Variants in KCNC4 observed in about 807,000 individuals in gnomAD.
KCNC4 encodes potassium voltage-gated channel subfamily C member 4, also known as voltage-gated potassium channel KCNC4.
Under a neutral mutation model 42.8 loss-of-function variants are expected in KCNC4, and 23 were observed. The observed-to-expected ratio is 0.54, with a 90% CI of 0.39 to 0.76. The LOEUF (loss-of-function observed/expected upper bound fraction) is 0.76, where lower values mean the gene tolerates loss of function less well. KCNC4 is among the 30% of genes least tolerant of loss of function. KCNC4 has a pLI of 0.00. For missense variants in KCNC4, 751 were observed against 898.2 expected, an observed-to-expected ratio of 0.84 and a Z score of 2.10; for synonymous variants, 422 against 393.5, an observed-to-expected ratio of 1.07 and a Z score of -0.86.
chr1:110,278,536 A>G (rs1659764969), intron 1 of KCNC4, among the ~76,000 whole-genome samples: 1 of 152,218 alleles, frequency 6.6e-6, no homozygotes, highest in South Asian at 2.1e-4. Context: ...ACCCTGGAGT[A>G]GATGATTTCA....
At chr1:110,266,118 C>G (rs913787394) in intron 1 of KCNC4, among the ~76,000 whole-genome samples, 6 of 152,276 alleles carry the variant, frequency 3.9e-5, no homozygotes, top group African/African-American at 1.4e-4. Flanking sequence ...GTACAATTCA[C>G]CCAATTCCCC....
At chr1:110,272,593 TGAG>T (rs1172251356) in intron 1 of KCNC4, 9 of 152,156 alleles carry the variant, frequency 5.9e-5, no homozygotes, top group Non-Finnish European at 1.5e-5. Flanking sequence ...GCTGTTTTCT[TGAG>T]GAGACAGAAG....
intron 1 of KCNC4, among the ~76,000 whole-genome samples, chr1:110,258,504 G>A (rs1464165289): frequency 6.6e-6 from 1 of 152,054 alleles, no homozygotes; most frequent in Admixed American, 6.5e-5. Flanking sequence ...CCAAAGTGCT[G>A]GGATTACAGG....
intron 3 of KCNC4, 66 bp downstream of exon 3, chr1:110,226,244 A>G (rs1408236812): frequency 1.3e-5 from 19 of 1,415,450 alleles, no homozygotes; most frequent in Non-Finnish European, 1.9e-5. Context: ...GTCCCCCACC[A>G]AGAGCCTGAG....
intron 1 of KCNC4, among the ~76,000 whole-genome samples, chr1:110,260,125 G>A (rs1463478030): frequency 6.6e-6 from 1 of 152,192 alleles, no homozygotes; most frequent in Non-Finnish European, 1.5e-5. Flanking sequence ...CCTCTCAAGA[G>A]ACAATGTGGA....
chr1:110,250,161 C>G (rs1659225065), downstream of KCNC4, among the ~76,000 whole-genome samples: 2 of 152,198 alleles, frequency 1.3e-5, no homozygotes, highest in Non-Finnish European at 2.9e-5. Flanking sequence ...CGGGCTCCCC[C>G]ACCTCCCTCC....
chr1:110,261,200 AT>A (rs1659419258), intron 1 of KCNC4, among the ~76,000 whole-genome samples: 1 of 152,216 alleles, frequency 6.6e-6, no homozygotes, highest in African/African-American at 2.4e-5. Flanking sequence ...ATATGCGTGA[AT>A]CCTTTAGTGT....
chr1:110,263,025 C>T (rs1404013991), intron 1 of KCNC4, among the ~76,000 whole-genome samples: 1 of 152,338 alleles, frequency 6.6e-6, no homozygotes, highest in East Asian at 1.9e-4. Flanking sequence ...AGCATGACCT[C>T]TGGTGTCTGT....
At chr1:110,243,009 TCTA>T (rs1372218089) in exon 4 of KCNC4, 3 of 152,214 alleles carry the variant, frequency 2.0e-5, no homozygotes, top group Non-Finnish European at 4.4e-5. Flanking sequence ...ACTTAACCTT[TCTA>T]AGCATGGTCT....
intron 3 of KCNC4, chr1:110,226,415 C>G: frequency 1.8e-6 from 1 of 561,768 alleles, no homozygotes; most frequent in Non-Finnish European, 3.2e-6. Flanking sequence ...GAAAGAGCAG[C>G]GCTAGAGGGT....
exon 4 of KCNC4, chr1:110,246,766 CT>C (rs61165830): frequency 0.33 from 45,754 of 139,274 alleles, 7,483 homozygotes; most frequent in South Asian, 0.38. Context: ...TTTTTCTTTT[CT>C]TTTTTTTTTT....
At chr1:110,261,697 C>T (rs1304127409) in intron 1 of KCNC4, among the ~76,000 whole-genome samples, 2 of 152,096 alleles carry the variant, frequency 1.3e-5, no homozygotes, top group African/African-American at 4.8e-5. Context: ...GCCATATGTG[C>T]ACAAAATGCT....
At chr1:110,232,112 A>G (rs1345510276) in intron 3 of KCNC4, 4 of 1,023,468 alleles carry the variant, frequency 3.9e-6, no homozygotes, top group East Asian at 5.3e-5. Flanking sequence ...GGGGAAGGAA[A>G]GGCCCAGGTG....
chr1:110,254,094 G>GC (rs1553216653), downstream of KCNC4, among the ~76,000 whole-genome samples: 2 of 131,040 alleles, frequency 1.5e-5, no homozygotes, highest in Non-Finnish European at 1.7e-5. Context: ...AGAAGTCGGG[G>GC]GGGGGGCGGC....
intron 1 of KCNC4, among the ~76,000 whole-genome samples, chr1:110,264,598 C>A (rs986428858): frequency 6.6e-5 from 10 of 152,176 alleles, no homozygotes; most frequent in African/African-American, 2.4e-4. Flanking sequence ...CTAAAGGGAA[C>A]CAAACATGAC....
intron 3 of KCNC4, among the ~76,000 whole-genome samples, chr1:110,229,316 G>A (rs1338415207): frequency 6.6e-6 from 1 of 152,128 alleles, no homozygotes; most frequent in Non-Finnish European, 1.5e-5. Context: ...CCCTGGCTTG[G>A]GGCGCAGGTA....
At chr1:110,234,522 A>T (rs1397548621), downstream of KCNC4, 3 of 152,256 alleles carry the variant, frequency 2.0e-5, no homozygotes, top group Non-Finnish European at 4.4e-5. Context: ...GAGTGAACAC[A>T]TCCTGGGCCT....
rs1006713654 is a variant in KCNC4, at chr1:110,223,879, A to T, written c.1594A>T (p.Met532Leu). Residue 532 changes from methionine to leucine, a missense_variant, in exon 2 of 4, where the codon ATG (methionine) becomes TTG (leucine). This residue lies in a region of KCNC4 where 202 missense variants were observed against 181.5 expected (regional missense o/e 1.11). Coordinates refer to ENST00000438661, the MANE Select transcript of KCNC4 (RefSeq NM_001039574.3). The surrounding 1 kb of genome is among the most constrained non-coding windows in gnomAD (Gnocchi z 7.5). ...CAGCCCCCCTGCCCGGGAAGAGGGT[A>T]TGATCGAGAGGAAACGGGCAGGTGA... ...DTSPPAREEG[M>L]IERKRADSKQ... The T allele has an allele frequency of 6.3e-7, 1 of 1,599,754 alleles. No individual in the cohort carries two copies. The highest frequency in any genetic ancestry group is 8.5e-7 in the Non-Finnish European group (1 of 1,171,244).
chr1:110,232,834 TC>T (rs1279706203), intron 3 of KCNC4, 76 bp from the exon 4 acceptor site: 1 of 1,554,716 alleles, frequency 6.4e-7, no homozygotes, highest in Admixed American at 1.9e-5. Context: ...GAACTCCCTG[TC>T]CCCCCAACCC....
Sources: gnomAD v4.1 joint callset for allele counts (sites outside exome capture counted in the v4.1 genomes callset) on GRCh38, gnomAD v4.1.1 for gene constraint, gnomAD v4.1.1 regional missense constraint, Gnocchi (gnomAD v3.1) non-coding constraint, MANE v1.5 for transcripts, NCBI Gene and HGNC (gene_info 2026-07-23, HGNC 2026-07-21) for gene names.